The following THSD7B variants were observed in gnomAD, a reference collection of about 807,000 sequenced individuals.
The protein encoded by THSD7B is thrombospondin type 1 domain containing 7B.
In THSD7B, 138 loss-of-function variants were observed where a neutral mutation model predicts 213.6. The ratio of observed to expected loss-of-function variants is 0.65; its 90% confidence interval spans 0.56 to 0.74. The LOEUF (loss-of-function observed/expected upper bound fraction) is 0.74. Ranked by LOEUF, THSD7B falls within the 30% of genes least tolerant of loss-of-function variation. The probability of loss-of-function intolerance (pLI) is 0.00; values close to 1 mark genes in which losing one functional copy is unlikely to be tolerated. For missense variants in THSD7B, 1,931 were observed against 1,991.5 expected, an observed-to-expected ratio of 0.97 and a Z score of 0.58; for synonymous variants, 742 against 687.0, an observed-to-expected ratio of 1.08 and a Z score of -1.25.
intron 20 of THSD7B, among the ~76,000 whole-genome samples, chr2:137,637,739 A>G (rs2104857927): frequency 6.6e-6 from 1 of 152,344 alleles, no homozygotes; most frequent in Middle Eastern, 3.4e-3. Context: ...ATGGAAATAA[A>G]TAAAATGGTT....
At chr2:137,462,058 G>A (rs1687895318) in intron 15 of THSD7B, among the ~76,000 whole-genome samples, 1 of 152,014 alleles carries the variant, frequency 6.6e-6, no homozygotes, top group African/African-American at 2.4e-5. Flanking sequence ...TCAATTACCT[G>A]CATTCAATGT....
At chr2:137,184,923 T>C (rs1680522913) in intron 7 of THSD7B, among the ~76,000 whole-genome samples, 1 of 152,214 alleles carries the variant, frequency 6.6e-6, no homozygotes. Flanking sequence ...TTGGGAAAAG[T>C]TCTTTATTCT....
chr2:136,869,466 T>A (rs548498030), intron 1 of THSD7B, among the ~76,000 whole-genome samples: 1 of 152,338 alleles, frequency 6.6e-6, no homozygotes, highest in Non-Finnish European at 1.5e-5. Context: ...AATACACATT[T>A]TAATCAATGA....
intron 1 of THSD7B, among the ~76,000 whole-genome samples, chr2:136,812,164 T>C (rs1186163540): frequency 1.3e-5 from 2 of 152,240 alleles, no homozygotes; most frequent in Non-Finnish European, 2.9e-5. Flanking sequence ...TTTTAAAATA[T>C]CAATAATTTG....
chr2:137,296,462 G>A (rs1049665731), intron 12 of THSD7B, among the ~76,000 whole-genome samples: 2 of 152,098 alleles, frequency 1.3e-5, no homozygotes, highest in African/African-American at 4.8e-5. Flanking sequence ...TATTAGCAAG[G>A]CTGTTGAAGC....
At chr2:136,958,585 A>G (rs892929422) in intron 2 of THSD7B, among the ~76,000 whole-genome samples, 1 of 152,210 alleles carries the variant, frequency 6.6e-6, no homozygotes, top group Admixed American at 6.5e-5. Context: ...AAGGGAGAAC[A>G]AGGCCAAGAA....
chr2:137,094,919 A>T lies in THSD7B; in HGVS notation c.997A>T (p.Met333Leu). The change falls in exon 4 of 28, where the codon ATG becomes TTG. Residue 333 changes from methionine to leucine, a missense_variant. Physicochemically the swap from Met to Leu is conservative, Grantham distance 15. Coordinates refer to ENST00000409968, the MANE Select transcript of THSD7B (RefSeq NM_001316349.2). Reference sequence around the variant, plus strand: ...CCCATTGACTGTTCAGTCCTGCATCATGCCCAAAGACTGTGAAACCTCCCA... The same window carrying T: ...CCCATTGACTGTTCAGTCCTGCATCTTGCCCAAAGACTGTGAAACCTCCCA... ...SFPLTVQSCI[M>L]PKDCETSQWS... 6.2e-7 allele frequency: 1 copy of T among 1,613,692 alleles called. No individual in the cohort carries two copies. Among genetic ancestry groups the T allele is most frequent in the Non-Finnish European group, 8.5e-7 (1 of 1,179,804 alleles).
intron 2 of THSD7B, among the ~76,000 whole-genome samples, chr2:137,008,254 G>T (rs934400183): frequency 3.3e-5 from 5 of 152,130 alleles, no homozygotes; most frequent in African/African-American, 1.2e-4. Flanking sequence ...AGAGGAATGG[G>T]TGGAAATGCA....
intron 20 of THSD7B, among the ~76,000 whole-genome samples, chr2:137,627,924 G>A: frequency 6.6e-6 from 1 of 152,212 alleles, no homozygotes; most frequent in Non-Finnish European, 1.5e-5. Flanking sequence ...GTTTCCACTG[G>A]GGCATCCACT....
intron 12 of THSD7B, among the ~76,000 whole-genome samples, chr2:137,377,655 C>A (rs111231228): frequency 0.03 from 4,490 of 151,442 alleles, 229 homozygotes; most frequent in African/African-American, 0.1. Context: ...GAGCTGGAGC[C>A]TCCTTCTGTT....
At chr2:137,400,905 C>T (rs1686340617) in intron 12 of THSD7B, among the ~76,000 whole-genome samples, 1 of 152,128 alleles carries the variant, frequency 6.6e-6, no homozygotes, top group South Asian at 2.1e-4. Context: ...TATTCAGGCC[C>T]ACTAGTGGCA....
intron 2 of THSD7B, 144 bp from the exon 3 acceptor site, chr2:137,056,276 C>T (rs1299943927): frequency 1.4e-6 from 1 of 735,178 alleles, no homozygotes; most frequent in Non-Finnish European, 2.2e-6. Flanking sequence ...CATTCTGAAC[C>T]ACTAAATTAT....
chr2:137,334,170 T>TTCTCTCTCTC (rs139280559), intron 12 of THSD7B, among the ~76,000 whole-genome samples: 62 of 148,936 alleles, frequency 4.2e-4, no homozygotes, highest in African/African-American at 1.4e-3. Flanking sequence ...CTTTCTCTCT[T>TTCTCTCTCTC]TCTCTCTCTC....
intron 15 of THSD7B, among the ~76,000 whole-genome samples, chr2:137,466,959 AGTGAC>A (rs907164714): frequency 1.3e-5 from 2 of 152,100 alleles, no homozygotes; most frequent in Non-Finnish European, 2.9e-5. Flanking sequence ...CTGAAGCAGC[AGTGAC>A]CAAAAGAATA....
In THSD7B at chr2:137,075,914, C is replaced by T. The variant is rs539207221; in HGVS notation, c.950+18684C>T. Among the ~76,000 whole-genome samples the T allele has an allele frequency of 7.2e-5, 11 of 152,208 alleles. No homozygotes were observed. In the South Asian group the frequency reaches 1.0e-3, roughly 14 times the overall value. On this transcript the variant is annotated intron_variant, in intron 3 of 27. Transcript: ENST00000409968. The stretch of plus-strand genomic sequence containing the variant: ...TGCTGAACAGTGGATTTTGGTGAAC[C>T]GCAAATGCTGCTGCCTGATTGTTCC...
At chr2:137,157,531 A>T (rs1558941218) in intron 5 of THSD7B, among the ~76,000 whole-genome samples, 1 of 152,188 alleles carries the variant, frequency 6.6e-6, no homozygotes, top group African/African-American at 2.4e-5. Context: ...CACACAACAA[A>T]GAGGGAAAAC....
intron 7 of THSD7B, among the ~76,000 whole-genome samples, chr2:137,225,094 C>A (rs1681466218): frequency 6.6e-6 from 1 of 152,078 alleles, no homozygotes; most frequent in Admixed American, 6.6e-5. Context: ...TTGTGAGCAT[C>A]TTTACATCAT....
intron 2 of THSD7B, among the ~76,000 whole-genome samples, chr2:136,905,717 C>A: frequency 6.6e-6 from 1 of 152,256 alleles, no homozygotes; most frequent in East Asian, 1.9e-4. Flanking sequence ...CCAATGATAA[C>A]CAGCAATTTG....
chr2:137,096,404 A>G (rs1413777944), intron 4 of THSD7B, among the ~76,000 whole-genome samples: 1 of 152,216 alleles, frequency 6.6e-6, no homozygotes, highest in Non-Finnish European at 1.5e-5. Context: ...GGTGTGCATT[A>G]GAAAGGCAGG....
Sources: gnomAD v4.1 joint callset for allele counts (sites outside exome capture counted in the v4.1 genomes callset) on GRCh38, gnomAD v4.1.1 for gene constraint, MANE v1.5 for transcripts, NCBI Gene and HGNC (gene_info 2026-07-23, HGNC 2026-07-21) for gene names.